The following CCDC148 variants were observed in gnomAD, a reference collection of about 807,000 sequenced individuals.
CCDC148 encodes the protein coiled-coil domain-containing protein 148.
Under a neutral mutation model 85.7 loss-of-function variants are expected in CCDC148, and 89 were observed. The ratio of observed to expected loss-of-function variants is 1.04; its 90% confidence interval spans 0.87 to 1.24. CCDC148 has a LOEUF of 1.24. CCDC148 is among the 50% of genes most tolerant of loss of function. The pLI, the probability that CCDC148 is intolerant of heterozygous loss-of-function variation, is 0.00. For missense variants in CCDC148, 692 were observed against 671.7 expected, an observed-to-expected ratio of 1.03 and a Z score of -0.33; for synonymous variants, 230 against 213.9, an observed-to-expected ratio of 1.08 and a Z score of -0.66.
intron 9 of CCDC148, among the ~76,000 whole-genome samples, chr2:158,299,505 A>C (rs1048043973): frequency 6.6e-6 from 1 of 152,182 alleles, no homozygotes; most frequent in African/African-American, 2.4e-5. Context: ...TATCCACCTC[A>C]TATTGAAAGA....
intron 7 of CCDC148, among the ~76,000 whole-genome samples, chr2:158,320,989 C>G (rs1288483336): frequency 6.6e-6 from 1 of 152,108 alleles, no homozygotes; most frequent in East Asian, 1.9e-4. Context: ...ACATAACATG[C>G]AAATAAATAT....
chr2:158,405,339 A>T (rs1032548885), intron 1 of CCDC148, among the ~76,000 whole-genome samples: 3 of 152,174 alleles, frequency 2.0e-5, no homozygotes, highest in Non-Finnish European at 4.4e-5. Flanking sequence ...TGCAAACAAT[A>T]ATACAGGGTT....
chr2:158,280,315 A>G (rs951805868), intron 9 of CCDC148, among the ~76,000 whole-genome samples: 3 of 152,358 alleles, frequency 2.0e-5, no homozygotes, highest in African/African-American at 7.2e-5. Context: ...TGCTCCAATT[A>G]AAAGACACAG....
At chr2:158,240,556 G>A (rs1688313609) in intron 10 of CCDC148, among the ~76,000 whole-genome samples, 1 of 151,334 alleles carries the variant, frequency 6.6e-6, no homozygotes, top group African/African-American at 2.4e-5. Flanking sequence ...TGAGGGAAAA[G>A]GACCTGGAAG....
intron 1 of CCDC148, among the ~76,000 whole-genome samples, chr2:158,397,054 A>C (rs1459052544): frequency 6.6e-6 from 1 of 152,018 alleles, no homozygotes; most frequent in Non-Finnish European, 1.5e-5. Context: ...GTGCAAAATG[A>C]AGTGAGAGCA....
chr2:158,369,675 C>T (rs1684353557), intron 1 of CCDC148, among the ~76,000 whole-genome samples: 1 of 152,066 alleles, frequency 6.6e-6, no homozygotes, highest in South Asian at 2.1e-4. Context: ...TTTCTCATGC[C>T]TGACTGCCCT....
chr2:158,193,695 CATT>C (rs1685526718), intron 11 of CCDC148, among the ~76,000 whole-genome samples: 1 of 151,976 alleles, frequency 6.6e-6, no homozygotes, highest in Admixed American at 6.6e-5. Context: ...ATTGATAAAA[CATT>C]ATAAATGCAA....
chr2:158,196,846 T>G (rs1360638368), intron 11 of CCDC148, among the ~76,000 whole-genome samples: 2 of 152,190 alleles, frequency 1.3e-5, no homozygotes, highest in African/African-American at 2.4e-5. Flanking sequence ...CATATCTGTA[T>G]GTACTAGATA....
At chr2:158,183,109 G>T (rs903626012) in intron 11 of CCDC148, among the ~76,000 whole-genome samples, 1 of 152,116 alleles carries the variant, frequency 6.6e-6, no homozygotes, top group Non-Finnish European at 1.5e-5. Context: ...GGTTGAAAGT[G>T]CTGCAAAAGA....
chr2:158,286,122 T>A (rs970420347), intron 9 of CCDC148, among the ~76,000 whole-genome samples: 1 of 152,144 alleles, frequency 6.6e-6, no homozygotes. Flanking sequence ...AGGTTGCTTA[T>A]AAAATCAATA....
intron 7 of CCDC148, among the ~76,000 whole-genome samples, chr2:158,325,098 A>AG (rs987217960): frequency 4.6e-5 from 7 of 151,738 alleles, no homozygotes; most frequent in African/African-American, 1.5e-4. Context: ...GAAAAAAAAA[A>AG]AAAAGCAAAT....
chr2:158,200,585 C>T (rs1462981411), intron 11 of CCDC148, among the ~76,000 whole-genome samples: 1 of 152,180 alleles, frequency 6.6e-6, no homozygotes, highest in Non-Finnish European at 1.5e-5. Flanking sequence ...TAAAATTTGC[C>T]AACTCATTGA....
chr2:158,315,195 C>T (rs1464241372), intron 7 of CCDC148, among the ~76,000 whole-genome samples: 1 of 152,104 alleles, frequency 6.6e-6, no homozygotes, highest in Non-Finnish European at 1.5e-5. Flanking sequence ...CAGTTATGCA[C>T]GTATAGACAA....
intron 9 of CCDC148, among the ~76,000 whole-genome samples, chr2:158,283,054 G>C (rs956018180): frequency 3.3e-5 from 5 of 152,192 alleles, no homozygotes; most frequent in Non-Finnish European, 5.9e-5. Context: ...AATAAATGGT[G>C]CTGGGAAAAC....
At chr2:158,360,553 C>G (rs567631281) in intron 1 of CCDC148, among the ~76,000 whole-genome samples, 7 of 152,162 alleles carry the variant, frequency 4.6e-5, no homozygotes, top group Non-Finnish European at 7.4e-5. Flanking sequence ...GGACCTCCAG[C>G]AAACTCTAGC....
At chr2:158,238,586 G>A (rs1688213210) in intron 10 of CCDC148, among the ~76,000 whole-genome samples, 1 of 152,106 alleles carries the variant, frequency 6.6e-6, no homozygotes, top group Admixed American at 6.6e-5. Flanking sequence ...TAATGGTCTG[G>A]TGTCCTGTAA....
intron 7 of CCDC148, among the ~76,000 whole-genome samples, chr2:158,324,591 G>A (rs970813845): frequency 6.6e-6 from 1 of 152,026 alleles, no homozygotes; most frequent in Non-Finnish European, 1.5e-5. Context: ...TTTCCTTAAA[G>A]ATCATATCTA....
At chr2:158,342,016 A>ATTTTTTTTTT (rs1559083849) in intron 3 of CCDC148, among the ~76,000 whole-genome samples, 1 of 102,876 alleles carries the variant, frequency 9.7e-6, no homozygotes, top group African/African-American at 4.1e-5. Flanking sequence ...ACGTGTCATT[A>ATTTTTTTTTT]TTTTCTTTTC....
chr2:158,331,593 T>A (rs1032722828), intron 7 of CCDC148, among the ~76,000 whole-genome samples: 4 of 143,822 alleles, frequency 2.8e-5, no homozygotes, highest in African/African-American at 1.2e-4. Flanking sequence ...ATCTGTCTAA[T>A]GTTGCCATGG....
Sources: gnomAD v4.1 joint callset for allele counts (sites outside exome capture counted in the v4.1 genomes callset) on GRCh38, gnomAD v4.1.1 for gene constraint, MANE v1.5 for transcripts, NCBI Gene and HGNC (gene_info 2026-07-23, HGNC 2026-07-21) for gene names.